Variants in GPD2 observed in about 807,000 individuals in gnomAD.
GPD2 encodes glycerol-3-phosphate dehydrogenase, mitochondrial.
Under a neutral mutation model 82.4 loss-of-function variants are expected in GPD2, and 54 were observed. The observed-to-expected ratio is 0.66, with a 90% CI of 0.53 to 0.82. GPD2 has a LOEUF of 0.82. Ranked by LOEUF, GPD2 falls within the 40% of genes least tolerant of loss-of-function variation. GPD2 has a pLI of 0.00. For missense variants in GPD2, 748 were observed against 896.2 expected (o/e 0.83, Z 2.11); for synonymous variants, 288 against 306.1 (o/e 0.94, Z 0.62).
intron 6 of GPD2, among the ~76,000 whole-genome samples, chr2:156,534,640 A>G (rs1415438730): frequency 1.3e-5 from 2 of 152,248 alleles, no homozygotes; most frequent in Admixed American, 6.5e-5. Context: ...GTAAGTTGAA[A>G]GAATCTGTAG....
intron 6 of GPD2, among the ~76,000 whole-genome samples, chr2:156,523,112 A>G (rs564177651): frequency 1.2e-4 from 18 of 152,304 alleles, no homozygotes; most frequent in Admixed American, 8.5e-4. Flanking sequence ...CCCAGAGTCC[A>G]TAGTCTACAT....
chr2:156,579,865 A>G (rs1687966300), intron 16 of GPD2, 77 bp downstream of exon 16: 2 of 773,390 alleles, frequency 2.6e-6, no homozygotes, highest in South Asian at 2.8e-5. Flanking sequence ...ATGTTCAAGA[A>G]TGGATATTTA....
chr2:156,560,011 G>A (rs1687110283), intron 9 of GPD2, among the ~76,000 whole-genome samples: 1 of 152,174 alleles, frequency 6.6e-6, no homozygotes, highest in Admixed American at 6.6e-5. Flanking sequence ...ATCTGGGCCT[G>A]AAGATCAGGA....
intron 9 of GPD2, among the ~76,000 whole-genome samples, chr2:156,561,980 T>TAA (rs1200706333): frequency 6.6e-6 from 1 of 152,248 alleles, no homozygotes; most frequent in Non-Finnish European, 1.5e-5. Flanking sequence ...TACTTGTTTG[T>TAA]TCTTTTCTGA....
chr2:156,521,760 C>A (rs1156994911), intron 6 of GPD2, among the ~76,000 whole-genome samples: 1 of 152,166 alleles, frequency 6.6e-6, no homozygotes, highest in African/African-American at 2.4e-5. Context: ...AATAGAACTT[C>A]CTCTAAACAT....
At position 156,583,036 on chromosome 2, in the gene GPD2, T is replaced by G. The variant is rs1489981789; in HGVS notation, c.*118T>G. The G allele has an allele frequency of 8.2e-6, 9 of 1,092,954 alleles. No individual in the cohort carries two copies. Among genetic ancestry groups the G allele is most frequent in the Admixed American group, 3.9e-5 (2 of 51,812 alleles). 67.7% of individuals were successfully genotyped at this position (1,092,954 alleles called of 1,614,324 possible). On this transcript the variant is annotated 3_prime_UTR_variant, in exon 17 of 17. Coordinates refer to ENST00000438166, the MANE Select transcript of GPD2 (RefSeq NM_000408.5). ...TGTGGATAGCTGCCTTTTTTAACAC[T>G]AGAAAACATTCCAAAACTTTAAGGT...
intron 6 of GPD2, among the ~76,000 whole-genome samples, chr2:156,538,806 G>T (rs1418579791): frequency 1.8e-5 from 2 of 111,168 alleles, no homozygotes; most frequent in African/African-American, 3.6e-5. Flanking sequence ...GTGCAACAGA[G>T]CAAGACTGCA....
the GPD2 span, among the ~76,000 whole-genome samples, chr2:156,409,841 C>G: frequency 2.0e-5 from 3 of 152,176 alleles, no homozygotes; most frequent in Non-Finnish European, 2.9e-5. Flanking sequence ...TTAATCCCAA[C>G]ATTTTGGGAG....
At chr2:156,548,304 C>G (rs1209348021) in intron 6 of GPD2, among the ~76,000 whole-genome samples, 1 of 152,176 alleles carries the variant, frequency 6.6e-6, no homozygotes, top group African/African-American at 2.4e-5. Flanking sequence ...GGAACCGCTA[C>G]CCTTCCCACT....
chr2:156,495,576 A>G (rs749899111), intron 2 of GPD2: 9 of 459,318 alleles, frequency 2.0e-5, no homozygotes, highest in Admixed American at 1.5e-4. Context: ...TAGTTTTGTC[A>G]GGAGAACTGA....
intron 13 of GPD2, among the ~76,000 whole-genome samples, chr2:156,577,597 T>C (rs1374200766): frequency 6.6e-6 from 1 of 152,236 alleles, no homozygotes; most frequent in Non-Finnish European, 1.5e-5. Flanking sequence ...ATTGCTTCAT[T>C]TTCTTCATTT....
chr2:156,541,264 G>A (rs1488101858), intron 6 of GPD2, among the ~76,000 whole-genome samples: 1 of 152,176 alleles, frequency 6.6e-6, no homozygotes, highest in Non-Finnish European at 1.5e-5. Flanking sequence ...TTTAACTTAA[G>A]AGAGAAAATA....
At chr2:156,405,261 A>T in the GPD2 span, among the ~76,000 whole-genome samples, 3 of 152,302 alleles carry the variant, frequency 2.0e-5, no homozygotes, top group East Asian at 5.8e-4. Context: ...CTGGAAGGAA[A>T]GGGGTGGTGT....
chr2:156,515,300 G>A (rs1044524658), intron 6 of GPD2, among the ~76,000 whole-genome samples: 10 of 151,840 alleles, frequency 6.6e-5, no homozygotes, highest in African/African-American at 2.4e-4. Context: ...TACTTGGGGG[G>A]CTGAGGTGGC....
chr2:156,550,759 C>T lies in GPD2; in HGVS notation c.971+13C>T. Reference sequence around the variant, plus strand: ...CTGGTTATTACAGGTAATTGTCTTCCAATGTGGCAGTTGTCACCCAAAAAA... The same window carrying T: ...CTGGTTATTACAGGTAATTGTCTTCTAATGTGGCAGTTGTCACCCAAAAAA... On this transcript the variant is annotated intron_variant, in intron 8 of 16. Transcript: ENST00000438166. 6.2e-7 allele frequency: 1 copy of T among 1,610,444 alleles called. No homozygotes were observed. Among genetic ancestry groups the T allele is most frequent in the Non-Finnish European group, 8.5e-7 (1 of 1,176,856 alleles).
chr2:156,515,144 G>T, intron 6 of GPD2, among the ~76,000 whole-genome samples: 1 of 152,044 alleles, frequency 6.6e-6, no homozygotes, highest in East Asian at 1.9e-4. Context: ...TGGGTATGTT[G>T]GTTCACACCT....
At chr2:156,427,328 T>G in the GPD2 span, among the ~76,000 whole-genome samples, 1 of 152,244 alleles carries the variant, frequency 6.6e-6, no homozygotes, top group Non-Finnish European at 1.5e-5. Flanking sequence ...AATTCTGCTC[T>G]TATCTCTAAA....
chr2:156,446,850 G>A (rs936986005), intron 1 of GPD2, among the ~76,000 whole-genome samples: 3 of 152,080 alleles, frequency 2.0e-5, no homozygotes, highest in Admixed American at 6.5e-5. Flanking sequence ...CACAGCACCC[G>A]GCCCTTGCCT....
chr2:156,408,957 G>A, the GPD2 span, among the ~76,000 whole-genome samples: 1 of 152,292 alleles, frequency 6.6e-6, no homozygotes, highest in East Asian at 1.9e-4. Flanking sequence ...TCATTATGGT[G>A]GACCCTAATC....
Sources: gnomAD v4.1 joint callset for allele counts (sites outside exome capture counted in the v4.1 genomes callset) on GRCh38, gnomAD v4.1.1 for gene constraint, MANE v1.5 for transcripts, NCBI Gene and HGNC (gene_info 2026-07-23, HGNC 2026-07-21) for gene names.